The following FAT3 variants were observed in gnomAD, a reference collection of about 807,000 sequenced individuals.
The protein encoded by FAT3 is FAT atypical cadherin 3, also known as protocadherin Fat 3.
FAT3 carries 95 observed loss-of-function variants against 310.2 expected under a neutral mutation model. The observed-to-expected ratio is 0.31, with a 90% confidence interval of 0.26 to 0.36. FAT3 has a LOEUF of 0.36. Ranked by LOEUF, FAT3 falls within the 10% of genes least tolerant of loss-of-function variation. The pLI is 1.00. For missense variants in FAT3, 5,408 were observed against 5,715.6 expected, an observed-to-expected ratio of 0.95 and a Z score of 1.74; for synonymous variants, 2,314 against 2,192.9, an observed-to-expected ratio of 1.06 and a Z score of -1.54.
At chr11:92,879,470 T>C (rs1347670631) in intron 22 of FAT3, among the ~76,000 whole-genome samples, 6 of 152,218 alleles carry the variant, frequency 3.9e-5, no homozygotes, top group Non-Finnish European at 8.8e-5. Flanking sequence ...GAAGAGTTTC[T>C]AGTTAAATTA....
chr11:92,637,153 A>C (rs1289238761), intron 3 of FAT3, among the ~76,000 whole-genome samples: 2 of 152,208 alleles, frequency 1.3e-5, no homozygotes, highest in African/African-American at 4.8e-5. Flanking sequence ...AAAAGGGAAA[A>C]GACATTTCCT....
intron 2 of FAT3, among the ~76,000 whole-genome samples, chr11:92,524,061 T>A (rs1391975903): frequency 6.6e-6 from 1 of 152,150 alleles, no homozygotes; most frequent in Non-Finnish European, 1.5e-5. Context: ...GCTGTGACAT[T>A]TCATTTTCGG....
chr11:92,774,564 T>C (rs1456133992), intron 7 of FAT3, among the ~76,000 whole-genome samples: 3 of 152,228 alleles, frequency 2.0e-5, no homozygotes, highest in Non-Finnish European at 4.4e-5. Context: ...CAGAAAGTTA[T>C]AGCTAAAGAA....
chr11:92,613,004 G>A (rs1007742081), intron 3 of FAT3, among the ~76,000 whole-genome samples: 5 of 152,068 alleles, frequency 3.3e-5, no homozygotes, highest in African/African-American at 4.8e-5. Context: ...TAGGTAGGAC[G>A]GGATCGTAGA....
At chr11:92,495,128 A>T (rs1446942338) in intron 2 of FAT3, among the ~76,000 whole-genome samples, 1 of 152,046 alleles carries the variant, frequency 6.6e-6, no homozygotes, top group Non-Finnish European at 1.5e-5. Flanking sequence ...TTAATAATAA[A>T]TTATTGTATT....
At chr11:92,705,584 G>T (rs1475487697) in intron 4 of FAT3, among the ~76,000 whole-genome samples, 3 of 2,540 alleles carry the variant, frequency 1.2e-3, no homozygotes, top group Non-Finnish European at 2.5e-3. Flanking sequence ...GGTGATGGTG[G>T]TGGTGTGATG....
At chr11:92,778,784 G>A (rs1422637699) in intron 7 of FAT3, among the ~76,000 whole-genome samples, 2 of 152,012 alleles carry the variant, frequency 1.3e-5, no homozygotes, top group African/African-American at 4.8e-5. Context: ...ACACACCTGG[G>A]GGGATCATTG....
At chr11:92,350,647 A>G (rs948692007) in intron 1 of FAT3, among the ~76,000 whole-genome samples, 3 of 152,138 alleles carry the variant, frequency 2.0e-5, no homozygotes, top group African/African-American at 7.2e-5. Flanking sequence ...GCTGGGGAAC[A>G]TTGTTTGGGC....
Position 92,780,063 on chromosome 11 carries a change from C to T in FAT3, c.4335+5883C>T, listed in dbSNP as rs7110754. ...TCCCCAGAGCTTCCAGAAAGAAACACATCCATGCCAACCCTTGATTTCGGC... is the reference window on the plus strand; with the variant it reads ...TCCCCAGAGCTTCCAGAAAGAAACATATCCATGCCAACCCTTGATTTCGGC... On this transcript the variant is annotated intron_variant, in intron 7 of 27. Transcript: ENST00000525166. Among the ~76,000 whole-genome samples, 1,249 of 152,234 alleles carry T rather than the reference C, an allele frequency of 8.2e-3. 29 individuals carry two copies. The highest frequency in any genetic ancestry group is 0.029 in the African/African-American group (1,192 of 41,522).
At chr11:92,774,980 ATT>A (rs980208306) in intron 7 of FAT3, among the ~76,000 whole-genome samples, 2 of 151,936 alleles carry the variant, frequency 1.3e-5, no homozygotes, top group Admixed American at 1.3e-4. Context: ...ATATGAGAAG[ATT>A]TTTTTTTCTT....
rs553193638 is a variant in FAT3, at chr11:92,494,022, T to A, written c.3293-30612T>A. 3.2e-5 allele frequency among the ~76,000 whole-genome samples: 4 copies of A among 125,662 alleles called. No individual in the cohort carries two copies. The East Asian group carries it at 7.8e-4, about 25-fold the overall frequency. 82.4% of individuals were successfully genotyped at this position (125,662 alleles called of 152,430 possible). A position where few individuals can be genotyped will look rare whatever the true frequency, so the allele number is the denominator to read the frequency against. ...GATCTCATGCAAATTGTGTAAGTTA[T>A]CTGATTCTATTTTTTTTTTTTTTTT... On this transcript the variant is annotated intron_variant, in intron 2 of 27. Transcript: ENST00000525166.
intron 3 of FAT3, among the ~76,000 whole-genome samples, chr11:92,545,922 A>T (rs1954601945): frequency 6.6e-6 from 1 of 152,182 alleles, no homozygotes; most frequent in Non-Finnish European, 1.5e-5. Context: ...TTTGAATGTG[A>T]CTGGGCATTT....
chr11:92,229,795 CTT>C (rs375129999), intron 1 of FAT3, among the ~76,000 whole-genome samples: 10 of 107,912 alleles, frequency 9.3e-5, no homozygotes, highest in South Asian at 3.1e-4. Context: ...GATTTTTTTT[CTT>C]TTTTTTTTTT....
At chr11:92,447,294 C>T (rs1951243029) in intron 2 of FAT3, among the ~76,000 whole-genome samples, 1 of 141,288 alleles carries the variant, frequency 7.1e-6, no homozygotes, top group Non-Finnish European at 1.6e-5. Context: ...GTTAGGCTGA[C>T]TTAGACCAAA....
intron 5 of FAT3, 139 bp downstream of exon 5, chr11:92,762,309 C>T: frequency 2.5e-6 from 2 of 809,152 alleles, no homozygotes; most frequent in Non-Finnish European, 1.9e-6. Context: ...TTCTGGGAGG[C>T]AAGTGCAGGT....
intron 2 of FAT3, among the ~76,000 whole-genome samples, chr11:92,420,490 C>T (rs890299845): frequency 2.0e-5 from 3 of 152,148 alleles, no homozygotes; most frequent in Non-Finnish European, 2.9e-5. Context: ...AACTTAGTAT[C>T]GAGTGGGATT....
At chr11:92,862,448 G>T (rs941097184) in intron 21 of FAT3, among the ~76,000 whole-genome samples, 3 of 152,174 alleles carry the variant, frequency 2.0e-5, no homozygotes, top group African/African-American at 4.8e-5. Flanking sequence ...CAGTATCATG[G>T]CAAAAGCACA....
Position 92,798,752 on chromosome 11 carries a change from G to T in FAT3, c.5739G>T (p.Glu1913Asp). 2 of 1,613,790 alleles carry T rather than the reference G, an allele frequency of 1.2e-6. No individual in the cohort carries two copies. Among genetic ancestry groups the T allele is most frequent in the South Asian group, 1.1e-5 (1 of 91,058 alleles). ...TTAGTGCCACAGATCCTGACTCTGA[G>T]GTACCCCCTGAACTGACATACAGCC... ...LKVSATDPDS[E>D]VPPELTYSLM... Residue 1913 changes from glutamate to aspartate, a missense_variant, in exon 10 of 28, where the codon GAG (glutamate) becomes GAT (aspartate). Glu to Asp is a conservative substitution (Grantham distance 45, BLOSUM62 2). Coordinates refer to ENST00000525166, the MANE Select transcript of FAT3 (RefSeq NM_001367949.2).
intron 25 of FAT3, 23 bp from the exon 26 acceptor site, chr11:92,889,166 C>T (rs752374037): frequency 1.4e-5 from 10 of 707,044 alleles, no homozygotes; most frequent in Admixed American, 1.0e-4. Context: ...CCCCTACCTC[C>T]GACTTCTTTT....
Sources: allele counts gnomAD v4.1 joint callset (sites outside exome capture counted in the v4.1 genomes callset), GRCh38; gene constraint gnomAD v4.1.1; transcripts MANE v1.5; gene names NCBI Gene and HGNC (gene_info 2026-07-23, HGNC 2026-07-21).